Variants in BOD1L1 observed in about 807,000 individuals in gnomAD.
BOD1L1 encodes the protein biorientation of chromosomes in cell division protein 1-like 1.
Under a neutral mutation model 240.7 loss-of-function variants are expected in BOD1L1, and 86 were observed. The ratio of observed to expected loss-of-function variants is 0.36; its 90% CI spans 0.30 to 0.43. The LOEUF (loss-of-function observed/expected upper bound fraction) is 0.43. Ranked by LOEUF, BOD1L1 falls within the 20% of genes least tolerant of loss-of-function variation. The pLI is 1.00. For synonymous variants in BOD1L1, 1,268 were observed against 1,272.3 expected (o/e 1.00, Z 0.07); for missense variants, 3,554 against 3,643.5 (o/e 0.98, Z 0.63).
rs771600721 is a variant in BOD1L1, at chr4:13,590,449, A to T, written c.8149-3T>A. ...GTTCTGAAGCCTGAATTTTCAACCT[A>T]AATATACAATATAAAAGATATTTAT... On this transcript the variant is annotated splice_polypyrimidine_tract_variant and splice_region_variant and intron_variant, in intron 13 of 25. Transcript: ENST00000040738. The T allele has an allele frequency of 4.1e-6, 6 of 1,453,540 alleles. No homozygotes were observed. In the South Asian group the frequency reaches 7.4e-5, roughly 18 times the overall value. The allele number at this position is 1,453,540 out of a possible 1,614,324, so 90.0% of individuals were successfully genotyped here.
chr4:13,604,484 C>A lies in BOD1L1; in HGVS notation c.2416G>T (p.Gly806Ter). ...ERKLSVLGKD[G>*]KPVSEYIIKT... ...ATAATATATTCAGAAACTGGCTTTC[C>A]ATCTTTGCCTAATACTGATAATTTC... is the stretch of plus-strand genomic sequence containing the variant. Residue 806 changes from glycine (G) to a stop codon, truncating the protein, a stop_gained, in exon 10 of 26, where the codon GGA becomes TGA. Transcript: ENST00000040738. LOFTEE classifies it high-confidence loss of function. The A allele has an allele frequency of 6.5e-7, 1 of 1,532,620 alleles. No individual in the cohort carries two copies. 94.9% of individuals were successfully genotyped at this position (1,532,620 alleles called of 1,614,324 possible).
rs1333976276 is a variant in BOD1L1 at position 13,577,480 on chromosome 4, C to T, written c.8807G>A (p.Gly2936Asp). The change falls in exon 24 of 26, where the codon GGT (glycine) becomes GAT (aspartate). Residue 2936 changes from glycine to aspartate, a missense_variant. By Grantham distance (94) the Gly-to-Asp change is moderately conservative. Around this residue, in one of 2 missense-constraint regions of BOD1L1, gnomAD observed 3,393 missense variants for 3,427.1 expected, o/e 0.99. Transcript: ENST00000040738. ...CACACTTGTTACTATTTTTTCTTCA[C>T]CATCATCCTAGAAGCAATAAAATTA... is the stretch of plus-strand genomic sequence containing the variant. ...LQERSISNDDGEEKIVTSVRR... is the reference protein window; with the variant it reads ...LQERSISNDDDEEKIVTSVRR... 6.2e-7 allele frequency: 1 copy of T among 1,613,446 alleles called. No individual in the cohort carries two copies. The highest frequency in any genetic ancestry group is 8.5e-7 in the Non-Finnish European group (1 of 1,179,664).
In BOD1L1 at chr4:13,582,650, AC is replaced by A; in HGVS notation, c.8518+1del. On this transcript the variant is annotated splice_donor_variant, in intron 18 of 25. Coordinates refer to ENST00000040738, the MANE Select transcript of BOD1L1 (RefSeq NM_148894.3). LOFTEE classifies it high-confidence loss of function. ...ATTTACCCAAGCAGATATTTTACTC[AC>A]CTTTTTCTTCCATGACCCTTGAGGT... 6.2e-7 allele frequency: 1 copy of A among 1,605,452 alleles called. No homozygotes were observed. The highest frequency in any genetic ancestry group is 8.5e-7 in the Non-Finnish European group (1 of 1,172,768).
intron 22 of BOD1L1, 167 bp from the exon 23 acceptor site, chr4:13,577,798 A>G: frequency 2.2e-6 from 1 of 464,478 alleles, no homozygotes; most frequent in South Asian, 4.5e-5. Flanking sequence ...CCTAGCAGAG[A>G]TCACATTGGA....
rs1328350691 is a variant in BOD1L1, at chr4:13,602,199, T to C, written c.4701A>G (p.Thr1567=). The part of the protein sequence containing the change: ...IEADEGLIIG[T]HSRNNPLHVG... ...CATGAAGAGGATTATTTCTGGAATGTGTTCCTATTATGAGGCCTTCATCTG... is the reference window on the plus strand; with the variant it reads ...CATGAAGAGGATTATTTCTGGAATGCGTTCCTATTATGAGGCCTTCATCTG... Residue 1567 remains threonine (T), a synonymous_variant, in exon 10 of 26, where the codon ACA becomes ACG. Transcript: ENST00000040738. 3 of 1,613,752 alleles carry C rather than the reference T, an allele frequency of 1.9e-6. No individual in the cohort carries two copies. The highest frequency in any genetic ancestry group is 2.5e-6 in the Non-Finnish European group (3 of 1,179,736).
Position 13,576,937 on chromosome 4 carries a change from TC to T in BOD1L1, c.8938del (p.Asp2980ThrfsTer67). On this transcript the variant is annotated frameshift_variant, in exon 25 of 26. Transcript: ENST00000040738. LOFTEE classifies it high-confidence loss of function. ...RQKSVSDPVE[D>X]KKEQESDEEE... ...CTCATCAGACTCCTGCTCTTTCTTG[TC>T]CTCCACTGGATCAGAAACTGATTTC... 1 of 1,614,004 alleles carries T rather than the reference TC, an allele frequency of 6.2e-7. No individual in the cohort carries two copies. Among genetic ancestry groups the T allele is most frequent in the Non-Finnish European group, 8.5e-7 (1 of 1,179,888 alleles).
chr4:13,620,913 T>C (rs896437353), intron 1 of BOD1L1, among the ~76,000 whole-genome samples: 12 of 152,086 alleles, frequency 7.9e-5, no homozygotes, highest in African/African-American at 2.9e-4. Context: ...TTCACTCTCA[T>C]CCCCCAAGGG....
At chr4:13,570,790 C>T (rs1712147733) in intron 25 of BOD1L1, among the ~76,000 whole-genome samples, 2 of 152,064 alleles carry the variant, frequency 1.3e-5, no homozygotes, top group African/African-American at 4.8e-5. Flanking sequence ...ATAGTTCTGC[C>T]TTCTACTTGT....
At chr4:13,619,840 TCAA>T in intron 2 of BOD1L1, 100 bp downstream of exon 2, 4 of 1,374,532 alleles carry the variant, frequency 2.9e-6, no homozygotes, top group Non-Finnish European at 3.9e-6. Flanking sequence ...AGTAAAATTG[TCAA>T]CATCATTAGG....
chr4:13,603,353 G>C lies in BOD1L1; in HGVS notation c.3547C>G (p.Pro1183Ala), dbSNP rs138072093. ...DSKATAPAYK[P>A]GRGTGVNSNS... ...CTATTAACTCCTGTTCCACGGCCTG[G>C]CTTATAAGCTGGAGCTGTTGCTTTT... Residue 1183 changes from proline to alanine, a missense_variant, in exon 10 of 26, where the codon CCA (proline) becomes GCA (alanine). Physicochemically the swap from Pro to Ala is conservative, Grantham distance 27 (BLOSUM62 -1). This residue lies in a region of BOD1L1 where 3,393 missense variants were observed against 3,427.1 expected (regional missense o/e 0.99). Coordinates refer to ENST00000040738, the MANE Select transcript of BOD1L1 (RefSeq NM_148894.3). 94 of 1,613,930 alleles carry C rather than the reference G, an allele frequency of 5.8e-5. No homozygotes were observed. The African/African-American group carries it at 1.1e-3, about 18-fold the overall frequency.
intron 1 of BOD1L1, chr4:13,626,338 A>C (rs1717393193): frequency 6.4e-6 from 1 of 155,316 alleles, no homozygotes; most frequent in Non-Finnish European, 1.5e-5. Context: ...AAAAAAAAAA[A>C]AAAAAGGAAA....
chr4:13,589,639 G>A, intron 14 of BOD1L1, among the ~76,000 whole-genome samples: 1 of 152,134 alleles, frequency 6.6e-6, no homozygotes, highest in Non-Finnish European at 1.5e-5. Flanking sequence ...TTTGGAGTGG[G>A]ATTAAAAGGA....
Position 13,600,872 on chromosome 4 carries a change from C to G in BOD1L1, c.6028G>C (p.Val2010Leu), listed in dbSNP as rs144452598. ...TCTGGGACTTCACCAGATACAAGAA[C>G]ATCGTAACTACCCCCGACCAGGCCA... is the stretch of plus-strand genomic sequence containing the variant. The part of the protein sequence containing the change: ...STGLVGGSYD[V>L]LVSGEVPECE... Residue 2010 changes from valine to leucine, a missense_variant, in exon 10 of 26, where the codon GTT (valine) becomes CTT (leucine). Coordinates refer to ENST00000040738, the MANE Select transcript of BOD1L1 (RefSeq NM_148894.3). 1.4e-4 allele frequency: 222 copies of G among 1,613,822 alleles called. 1 individual carries two copies. The East Asian group carries it at 4.9e-3, about 35-fold the overall frequency.
intron 9 of BOD1L1, 102 bp downstream of exon 9, chr4:13,607,015 G>T: frequency 2.6e-6 from 2 of 757,646 alleles, no homozygotes; most frequent in Non-Finnish European, 2.0e-6. Flanking sequence ...CTTTTTATTT[G>T]ACTTGAAAAA....
chr4:13,621,535 A>G (rs564299894), intron 1 of BOD1L1, among the ~76,000 whole-genome samples: 2 of 152,348 alleles, frequency 1.3e-5, no homozygotes, highest in Admixed American at 1.3e-4. Context: ...TTTTCTATAC[A>G]TGCTACCATT....
intron 17 of BOD1L1, among the ~76,000 whole-genome samples, chr4:13,583,698 C>T (rs1401305450): frequency 6.6e-6 from 1 of 152,186 alleles, no homozygotes; most frequent in African/African-American, 2.4e-5. Context: ...AGTGTCAGCT[C>T]AGCCATTTCT....
rs142892563 is a variant in BOD1L1, at chr4:13,614,547, G to C, written c.823C>G (p.Pro275Ala). The C allele has an allele frequency of 7.4e-6, 12 of 1,613,720 alleles. No homozygotes were observed. The highest frequency in any genetic ancestry group is 1.0e-5 in the Non-Finnish European group (12 of 1,179,872). ...AGGTCGCTGAACTCTTCAGACTTTG[G>C]GGCTGTTTCCAGTCCTTCACCTCCA... ...DSGGEGLETA[P>A]KSEEFSDLPC... Residue 275 changes from proline (P) to alanine (A), a missense_variant, in exon 4 of 26, where the codon CCA (proline) becomes GCA (alanine). By Grantham distance (27) the Pro-to-Ala change is conservative. Around this residue, in one of 2 missense-constraint regions of BOD1L1, gnomAD observed 3,393 missense variants for 3,427.1 expected, o/e 0.99. Coordinates refer to ENST00000040738, the MANE Select transcript of BOD1L1 (RefSeq NM_148894.3).
chr4:13,597,794 C>G (rs1210249459), intron 10 of BOD1L1, among the ~76,000 whole-genome samples: 6 of 152,168 alleles, frequency 3.9e-5, no homozygotes, highest in Admixed American at 3.9e-4. Flanking sequence ...CTGGAGCATT[C>G]AATTTACTCC....
intron 2 of BOD1L1, among the ~76,000 whole-genome samples, chr4:13,619,326 T>C (rs1169218955): frequency 9.7e-6 from 1 of 103,340 alleles, no homozygotes; most frequent in Non-Finnish European, 2.2e-5. Context: ...AAAAAAAAAG[T>C]AGAAGACCGT....
Sources: gnomAD v4.1 joint callset for allele counts (sites outside exome capture counted in the v4.1 genomes callset) on GRCh38, gnomAD v4.1.1 for gene constraint, gnomAD v4.1.1 regional missense constraint, MANE v1.5 for transcripts, NCBI Gene and HGNC (gene_info 2026-07-23, HGNC 2026-07-21) for gene names.